Variants in ZC4H2 observed in about 807,000 individuals in gnomAD.
The protein encoded by ZC4H2 is zinc finger C4H2 domain-containing protein.
For synonymous variants in ZC4H2, 84 were observed against 66.3 expected (o/e 1.27, Z -1.30); for missense variants, 137 against 173.9 (o/e 0.79, Z 1.19).
At chrX:64,991,593 A>G (rs966827623) in intron 1 of ZC4H2, among the ~76,000 whole-genome samples, 4 of 111,794 alleles carry the variant, frequency 3.6e-5, no homozygotes, top group Non-Finnish European at 5.6e-5. Flanking sequence ...GAGTGAAAGA[A>G]AAAAAGTAGA....
chrX:64,966,300 TAA>T (rs1229778990), intron 1 of ZC4H2, among the ~76,000 whole-genome samples: 1 of 112,523 alleles, frequency 8.9e-6, no homozygotes, highest in Non-Finnish European at 1.9e-5. Flanking sequence ...AGGCAGACAC[TAA>T]CAAGTATTGT....
chrX:64,977,623 C>T (rs1016184659), upstream of ZC4H2, among the ~76,000 whole-genome samples: 1 of 111,010 alleles, frequency 9.0e-6, no homozygotes, highest in African/African-American at 3.3e-5. Flanking sequence ...CTCAGCCTCC[C>T]GAGTAACTGG....
chrX:64,959,529 T>G (rs1238280249), intron 1 of ZC4H2, among the ~76,000 whole-genome samples: 1 of 107,451 alleles, frequency 9.3e-6, no homozygotes, highest in African/African-American at 3.4e-5. Context: ...AAAGACCTAA[T>G]GTAGACTTAT....
chrX:64,977,888 G>A (rs1446034944), upstream of ZC4H2, among the ~76,000 whole-genome samples: 1 of 111,804 alleles, frequency 8.9e-6, no homozygotes, highest in East Asian at 2.8e-4. Flanking sequence ...TAAGGATGGA[G>A]GAATATTTTA....
intron 1 of ZC4H2, among the ~76,000 whole-genome samples, chrX:65,007,796 G>A (rs186086663): frequency 4.7e-4 from 52 of 111,712 alleles, no homozygotes; most frequent in Non-Finnish European, 5.1e-4. Context: ...CCATATACAA[G>A]AATCAAAATC....
At chrX:64,946,581 GCACACACACACA>G (rs61275459) in intron 1 of ZC4H2, among the ~76,000 whole-genome samples, 8 of 95,875 alleles carry the variant, frequency 8.3e-5, no homozygotes, top group African/African-American at 1.9e-4. Context: ...TTAAATGCGT[GCACACACACACA>G]CACACACACA....
chrX:64,977,589 C>A (rs1455223787), upstream of ZC4H2, among the ~76,000 whole-genome samples: 1 of 111,646 alleles, frequency 9.0e-6, no homozygotes, highest in African/African-American at 3.3e-5. Context: ...ACCTCCTTCT[C>A]CTGGGTTCAA....
At chrX:65,015,824 A>G (rs1932793583) in intron 1 of ZC4H2, among the ~76,000 whole-genome samples, 1 of 110,765 alleles carries the variant, frequency 9.0e-6, no homozygotes, top group Admixed American at 9.6e-5. Context: ...CAGAGCAGGA[A>G]CCACGTGTCT....
intron 1 of ZC4H2, among the ~76,000 whole-genome samples, chrX:64,966,849 A>C (rs1369125719): frequency 8.9e-6 from 1 of 111,977 alleles, no homozygotes; most frequent in African/African-American, 3.2e-5. Context: ...GAATGATGGA[A>C]ATTTTCTAAA....
chrX:64,941,921 G>C (rs989805359), intron 1 of ZC4H2, among the ~76,000 whole-genome samples: 1 of 112,270 alleles, frequency 8.9e-6, no homozygotes, highest in Non-Finnish European at 1.9e-5. Context: ...GAGTTAGGGA[G>C]GAGTCCCTCT....
At chrX:64,923,310 G>A (rs770579577) in intron 1 of ZC4H2, among the ~76,000 whole-genome samples, 99 of 111,721 alleles carry the variant, frequency 8.9e-4, no homozygotes, top group African/African-American at 3.0e-3. Context: ...CTGGGAAAGG[G>A]CTACAAAGTT....
At chrX:64,996,246 T>C (rs1313082242) in intron 1 of ZC4H2, among the ~76,000 whole-genome samples, 2 of 110,755 alleles carry the variant, frequency 1.8e-5, no homozygotes, top group East Asian at 2.8e-4. Context: ...AAACCATAGG[T>C]GAACACAAGC....
rs191045592 is a variant in ZC4H2 at position 64,952,690 on chromosome X, C to T, written c.53+23635G>A. On this transcript the variant is annotated intron_variant, in intron 1 of 4. Coordinates refer to ENST00000374839, the MANE Select transcript of ZC4H2 (RefSeq NM_018684.4). The stretch of plus-strand genomic sequence containing the variant: ...AGGAGGATACAAACAAATGGAAGAA[C>T]ATTCCATGCACATGGATAGCAAGAA... Among the ~76,000 whole-genome samples, 214 of 110,403 alleles carry T rather than the reference C, an allele frequency of 1.9e-3. No homozygotes were observed. The Middle Eastern group carries it at 0.023, about 12-fold the overall frequency.
At chrX:64,995,455 G>A (rs73627902) in intron 1 of ZC4H2, among the ~76,000 whole-genome samples, 15,971 of 111,509 alleles carry the variant, frequency 0.14, 2,764 homozygotes, top group African/African-American at 0.49. Flanking sequence ...TGCCTCCTGG[G>A]CTAAAGTGAT....
chrX:64,950,551 A>G (rs768425751), intron 1 of ZC4H2, among the ~76,000 whole-genome samples: 1 of 111,252 alleles, frequency 9.0e-6, no homozygotes, highest in Non-Finnish European at 1.9e-5. Context: ...GTGCATATAT[A>G]TTTAGGATAG....
intron 1 of ZC4H2, among the ~76,000 whole-genome samples, chrX:64,999,622 G>A (rs1267861596): frequency 3.6e-5 from 4 of 112,119 alleles, no homozygotes; most frequent in African/African-American, 1.3e-4. Context: ...GGGGGCTGAA[G>A]CCAGGAAGCC....
intron 1 of ZC4H2, among the ~76,000 whole-genome samples, chrX:65,014,401 G>C (rs1401548880): frequency 9.0e-6 from 1 of 111,582 alleles, no homozygotes; most frequent in East Asian, 2.8e-4. Flanking sequence ...CTGGAGCTAT[G>C]GTTCCCATGG....
intron 1 of ZC4H2, among the ~76,000 whole-genome samples, chrX:64,941,303 T>A (rs773614494): frequency 3.6e-5 from 4 of 111,879 alleles, no homozygotes; most frequent in Non-Finnish European, 5.6e-5. Flanking sequence ...GCTGAGACAA[T>A]GGGGTTTTCT....
intron 1 of ZC4H2, among the ~76,000 whole-genome samples, chrX:64,929,781 A>G (rs1929659359): frequency 8.9e-6 from 1 of 111,914 alleles, no homozygotes; most frequent in Admixed American, 9.5e-5. Flanking sequence ...GCTTTGTAGT[A>G]TAATTTGATG....
Sources: gnomAD v4.1 joint callset for allele counts (sites outside exome capture counted in the v4.1 genomes callset) on GRCh38, gnomAD v4.1.1 for gene constraint, MANE v1.5 for transcripts, NCBI Gene and HGNC (gene_info 2026-07-23, HGNC 2026-07-21) for gene names.